The following PLPPR1 variants were observed in gnomAD, a reference collection of about 807,000 sequenced individuals.
PLPPR1 encodes the protein phospholipid phosphatase-related protein type 1.
A neutral mutation model predicts 33.1 loss-of-function variants in PLPPR1; 10 were observed. The ratio of observed to expected loss-of-function variants is 0.30; its 90% CI spans 0.19 to 0.51. The LOEUF (loss-of-function observed/expected upper bound fraction) is 0.51, where lower values mean the gene tolerates loss of function less well. Ranked by LOEUF, PLPPR1 falls within the 20% of genes least tolerant of loss-of-function variation. PLPPR1 has a pLI of 0.97. For synonymous variants in PLPPR1, 151 were observed against 151.0 expected, an observed-to-expected ratio of 1.00 and a Z score of 0.00; for missense variants, 304 against 408.1, an observed-to-expected ratio of 0.74 and a Z score of 2.20.
intron 1 of PLPPR1, among the ~76,000 whole-genome samples, chr9:101,116,469 A>C (rs970598838): frequency 2.6e-5 from 4 of 152,090 alleles, no homozygotes; most frequent in African/African-American, 9.7e-5. Context: ...TACTTGGGAT[A>C]ATTTTGCTTA....
rs1379831439 is a variant in PLPPR1 at position 101,312,085 on chromosome 9, C to T, written c.637-713C>T. Among the ~76,000 whole-genome samples, 8 of 152,250 alleles carry T rather than the reference C, an allele frequency of 5.3e-5. No homozygotes were observed. The East Asian group carries it at 7.7e-4, about 15-fold the overall frequency. The stretch of plus-strand genomic sequence containing the variant: ...GTATCATCTTTTACTTAGCTCAGGT[C>T]TTCTTGACCTTTTGTATCTTGTGGA... On this transcript the variant is annotated intron_variant, in intron 5 of 7. Coordinates refer to ENST00000374874, the MANE Select transcript of PLPPR1 (RefSeq NM_207299.2).
chr9:101,048,406 T>G (rs1427774906), intron 1 of PLPPR1, among the ~76,000 whole-genome samples: 1 of 152,160 alleles, frequency 6.6e-6, no homozygotes, highest in Admixed American at 6.5e-5. Flanking sequence ...TAATTAAAAG[T>G]CACAGGGATC....
chr9:101,261,939 T>G (rs1321280202), intron 2 of PLPPR1, among the ~76,000 whole-genome samples: 2 of 151,814 alleles, frequency 1.3e-5, no homozygotes, highest in Non-Finnish European at 1.5e-5. Flanking sequence ...CATTTACCTA[T>G]GTAACAAACC....
intron 2 of PLPPR1, among the ~76,000 whole-genome samples, chr9:101,220,743 A>G (rs1172111344): frequency 6.6e-6 from 1 of 152,204 alleles, no homozygotes; most frequent in Admixed American, 6.5e-5. Flanking sequence ...TAAGCTCCAG[A>G]AAAATATTTC....
chr9:101,300,013 T>C (rs1414373731), intron 4 of PLPPR1, among the ~76,000 whole-genome samples: 1 of 152,074 alleles, frequency 6.6e-6, no homozygotes, highest in Non-Finnish European at 1.5e-5. Context: ...TTTTTTTAAG[T>C]ATATTTCAAA....
chr9:101,140,400 G>A (rs1480165508), intron 1 of PLPPR1, among the ~76,000 whole-genome samples: 1 of 128,430 alleles, frequency 7.8e-6, no homozygotes, highest in Non-Finnish European at 1.8e-5. Flanking sequence ...AAGCCAGCAA[G>A]GATAAAATAG....
At chr9:101,250,121 T>C (rs76677606) in intron 2 of PLPPR1, among the ~76,000 whole-genome samples, 2,749 of 152,174 alleles carry the variant, frequency 0.018, 34 homozygotes, top group Middle Eastern at 0.085. Context: ...CTTTTTCCAA[T>C]TTATAGCACA....
At chr9:101,035,392 A>AC (rs886849057) in intron 1 of PLPPR1, among the ~76,000 whole-genome samples, 9 of 151,740 alleles carry the variant, frequency 5.9e-5, no homozygotes, top group Non-Finnish European at 1.3e-4. Flanking sequence ...AAGACTTTTT[A>AC]CCCCCCATCC....
At chr9:101,271,321 A>G (rs1411001025) in intron 3 of PLPPR1, among the ~76,000 whole-genome samples, 4 of 152,214 alleles carry the variant, frequency 2.6e-5, no homozygotes, top group Non-Finnish European at 5.9e-5. Flanking sequence ...GGGCTTAGAA[A>G]TGACTTAGCG....
At chr9:101,106,029 G>A (rs1364278198) in intron 1 of PLPPR1, among the ~76,000 whole-genome samples, 1 of 150,092 alleles carries the variant, frequency 6.7e-6, no homozygotes, top group Non-Finnish European at 1.5e-5. Flanking sequence ...CTTTTATTTT[G>A]AGCCTATGTG....
chr9:101,211,929 A>G (rs959870355), intron 2 of PLPPR1, among the ~76,000 whole-genome samples: 1 of 152,242 alleles, frequency 6.6e-6, no homozygotes, highest in Non-Finnish European at 1.5e-5. Context: ...AAGGAAACAA[A>G]TACAGAGAGG....
At chr9:101,079,896 A>G (rs1335324185) in intron 1 of PLPPR1, among the ~76,000 whole-genome samples, 1 of 152,154 alleles carries the variant, frequency 6.6e-6, no homozygotes, top group Admixed American at 6.5e-5. Flanking sequence ...CATTCTTTAT[A>G]GGAAAGCCTA....
At chr9:101,252,323 T>G (rs202064313) in intron 2 of PLPPR1, among the ~76,000 whole-genome samples, 1 of 152,160 alleles carries the variant, frequency 6.6e-6, no homozygotes, top group East Asian at 1.9e-4. Context: ...CTAGATGAAC[T>G]AGGTGTTCAC....
chr9:101,192,497 G>A (rs1826313948), intron 2 of PLPPR1, among the ~76,000 whole-genome samples: 1 of 152,024 alleles, frequency 6.6e-6, no homozygotes. Flanking sequence ...TCTGTGAAAT[G>A]GAAATAAAAA....
chr9:101,277,045 G>A (rs920322781), intron 3 of PLPPR1, among the ~76,000 whole-genome samples: 1 of 152,204 alleles, frequency 6.6e-6, no homozygotes, highest in African/African-American at 2.4e-5. Flanking sequence ...AAAGATTAAA[G>A]TGGAGCATGG....
In PLPPR1 at chr9:101,268,066, G is replaced by A. The variant is rs1462720854; in HGVS notation, c.64-1814G>A. Among the ~76,000 whole-genome samples the A allele has an allele frequency of 3.3e-5, 5 of 152,050 alleles. No homozygotes were observed. The South Asian group carries it at 6.3e-4, about 19-fold the overall frequency. On this transcript the variant is annotated intron_variant, in intron 2 of 7. Coordinates refer to ENST00000374874, the MANE Select transcript of PLPPR1 (RefSeq NM_207299.2). ...GAGAATTGAACAATGAGAACACTTGGACACAGGAAGGGGAACATCACACAC... is the reference window on the plus strand; with the variant it reads ...GAGAATTGAACAATGAGAACACTTGAACACAGGAAGGGGAACATCACACAC...
At chr9:101,235,380 C>T (rs2118830228) in intron 2 of PLPPR1, among the ~76,000 whole-genome samples, 1 of 151,892 alleles carries the variant, frequency 6.6e-6, no homozygotes, top group East Asian at 1.9e-4. Context: ...GATGCTAGTT[C>T]ACCATGATGC....
At chr9:101,239,289 T>C (rs915345988) in intron 2 of PLPPR1, among the ~76,000 whole-genome samples, 8 of 151,852 alleles carry the variant, frequency 5.3e-5, no homozygotes, top group African/African-American at 1.9e-4. Flanking sequence ...TTTCAGAAAG[T>C]TCCATACTGT....
chr9:101,184,891 G>C (rs993301511), intron 1 of PLPPR1: 1 of 151,970 alleles, frequency 6.6e-6, no homozygotes. Context: ...CAGTGAAACA[G>C]ATCGGTGACA....
Sources: gnomAD v4.1 joint callset for allele counts (sites outside exome capture counted in the v4.1 genomes callset) on GRCh38, gnomAD v4.1.1 for gene constraint, MANE v1.5 for transcripts, NCBI Gene and HGNC (gene_info 2026-07-23, HGNC 2026-07-21) for gene names.